The following CSNK1G3 variants were observed in gnomAD, a reference collection of about 807,000 sequenced individuals.
CSNK1G3 encodes casein kinase 1 gamma 3.
CSNK1G3 carries 23 observed loss-of-function variants against 64.3 expected under a neutral mutation model. The ratio of observed to expected loss-of-function variants is 0.36; its 90% CI spans 0.26 to 0.51. The LOEUF (loss-of-function observed/expected upper bound fraction) is 0.51. Among genes scored for constraint, CSNK1G3 ranks in the 20% least tolerant of loss-of-function variants. The pLI, the probability that CSNK1G3 is intolerant of heterozygous loss-of-function variation, is 0.96. For synonymous variants in CSNK1G3, 158 were observed against 162.2 expected (o/e 0.97, Z 0.20); for missense variants, 357 against 510.5 (o/e 0.70, Z 2.90).
intron 4 of CSNK1G3, among the ~76,000 whole-genome samples, chr5:123,567,829 C>T (rs1787230511): frequency 6.6e-6 from 1 of 152,144 alleles, no homozygotes; most frequent in Non-Finnish European, 1.5e-5. Flanking sequence ...GTCTCAAGCA[C>T]ATCTTTATTA....
chr5:123,577,178 A>G (rs763684286), intron 6 of CSNK1G3, among the ~76,000 whole-genome samples: 11 of 152,172 alleles, frequency 7.2e-5, no homozygotes, highest in African/African-American at 1.4e-4. Context: ...CTTATAAACA[A>G]ACTCATCTTG....
At chr5:123,588,640 G>A (rs889795050) in intron 8 of CSNK1G3, 129 bp downstream of exon 8, 4 of 672,418 alleles carry the variant, frequency 5.9e-6, no homozygotes, top group Non-Finnish European at 7.6e-6. Context: ...TTTAAAGGTT[G>A]TCAGCATTTG....
chr5:123,572,700 T>C (rs1375022083), intron 4 of CSNK1G3, among the ~76,000 whole-genome samples: 2 of 152,226 alleles, frequency 1.3e-5, no homozygotes, highest in Admixed American at 1.3e-4. Context: ...CTCCCTCCAC[T>C]GCATGGTGGT....
rs975187207 is a variant in CSNK1G3 at position 123,563,006 on chromosome 5, C to T, written c.289+5442C>T. Among the ~76,000 whole-genome samples the T allele has an allele frequency of 2.0e-5, 3 of 152,006 alleles. No individual in the cohort carries two copies. In the South Asian group the frequency reaches 6.2e-4, roughly 32 times the overall value. ...ATTGTTTTTGGAGGTCTGTGATTCT[C>T]AGTAACACTTCTTAATTTTTTTTGA... On this transcript the variant is annotated intron_variant, in intron 4 of 12. Coordinates refer to ENST00000345990, the Ensembl canonical transcript of CSNK1G3.
intron 1 of CSNK1G3, among the ~76,000 whole-genome samples, chr5:123,537,262 AAG>A (rs1341316862): frequency 2.0e-5 from 3 of 152,220 alleles, no homozygotes; most frequent in Non-Finnish European, 4.4e-5. Context: ...AGCCATAAGA[AAG>A]AGTGAATCAT....
At chr5:123,594,518 A>G (rs1204103048) in intron 10 of CSNK1G3, among the ~76,000 whole-genome samples, 1 of 152,166 alleles carries the variant, frequency 6.6e-6, no homozygotes, top group Non-Finnish European at 1.5e-5. Context: ...CTGTTTTCTC[A>G]TATTATCCTT....
chr5:123,532,142 A>G (rs1269718158), intron 1 of CSNK1G3, among the ~76,000 whole-genome samples: 2 of 151,896 alleles, frequency 1.3e-5, no homozygotes, highest in African/African-American at 4.8e-5. Context: ...TATAATTTTA[A>G]TGTACACTCT....
At chr5:123,609,065 A>G (rs926999793) in intron 12 of CSNK1G3, among the ~76,000 whole-genome samples, 2 of 152,182 alleles carry the variant, frequency 1.3e-5, no homozygotes, top group Admixed American at 1.3e-4. Flanking sequence ...ACGCAAGGAA[A>G]GAATTGAACC....
intron 1 of CSNK1G3, among the ~76,000 whole-genome samples, chr5:123,513,850 C>G (rs1316068807): frequency 6.6e-6 from 1 of 151,766 alleles, no homozygotes; most frequent in East Asian, 1.9e-4. Context: ...ATATTTTTCA[C>G]CAAAAAAATC....
intron 1 of CSNK1G3, among the ~76,000 whole-genome samples, chr5:123,527,871 G>A (rs564002036): frequency 6.6e-6 from 1 of 152,154 alleles, no homozygotes; most frequent in African/African-American, 2.4e-5. Flanking sequence ...TTACAAAGTA[G>A]TACTGTTTTC....
intron 6 of CSNK1G3, among the ~76,000 whole-genome samples, chr5:123,577,350 T>A (rs1322644646): frequency 6.6e-6 from 1 of 152,078 alleles, no homozygotes; most frequent in Non-Finnish European, 1.5e-5. Flanking sequence ...AACTAGGAAA[T>A]GTTTGTGCAT....
intron 10 of CSNK1G3, among the ~76,000 whole-genome samples, chr5:123,598,913 G>C (rs1793934522): frequency 6.6e-6 from 1 of 152,134 alleles, no homozygotes; most frequent in African/African-American, 2.4e-5. Context: ...AACAAGAAAT[G>C]AAAGGCTTTG....
chr5:123,563,320 C>G (rs1786156821), intron 4 of CSNK1G3, among the ~76,000 whole-genome samples: 1 of 151,922 alleles, frequency 6.6e-6, no homozygotes, highest in Non-Finnish European at 1.5e-5. Flanking sequence ...TAGTTCTAAG[C>G]AATAATTTGA....
At chr5:123,602,428 G>A (rs1231791476) in intron 10 of CSNK1G3, among the ~76,000 whole-genome samples, 1 of 152,162 alleles carries the variant, frequency 6.6e-6, no homozygotes, top group Non-Finnish European at 1.5e-5. Flanking sequence ...CTAGAACAGT[G>A]CCTAAGCATG....
At chr5:123,555,609 G>A (rs527990263) in intron 3 of CSNK1G3, among the ~76,000 whole-genome samples, 22 of 152,230 alleles carry the variant, frequency 1.4e-4, no homozygotes, top group Admixed American at 5.2e-4. Flanking sequence ...CAGATCAACA[G>A]TTTGTTTCAG....
chr5:123,590,764 G>A (rs1367013525), intron 9 of CSNK1G3, among the ~76,000 whole-genome samples: 2 of 151,920 alleles, frequency 1.3e-5, no homozygotes, highest in African/African-American at 2.4e-5. Flanking sequence ...TTGCCTTTTA[G>A]CATGAAGAGT....
chr5:123,545,043 A>T (rs1331083786), intron 1 of CSNK1G3, among the ~76,000 whole-genome samples: 1 of 152,122 alleles, frequency 6.6e-6, no homozygotes, highest in African/African-American at 2.4e-5. Context: ...TTTATAATTC[A>T]TTCTCTTTCT....
chr5:123,591,275 T>C (rs777149370), intron 9 of CSNK1G3, 44 bp from the exon 10 acceptor site: 3 of 1,211,806 alleles, frequency 2.5e-6, no homozygotes, highest in Non-Finnish European at 1.1e-6. Flanking sequence ...TAAATAAGAA[T>C]TTTAAAATGG....
chr5:123,516,292 A>T (rs1194290961), intron 1 of CSNK1G3, among the ~76,000 whole-genome samples: 1 of 152,150 alleles, frequency 6.6e-6, no homozygotes, highest in Non-Finnish European at 1.5e-5. Flanking sequence ...TTGGATTCTT[A>T]ATGTGTAGAA....
Sources: allele counts gnomAD v4.1 joint callset (sites outside exome capture counted in the v4.1 genomes callset), GRCh38; gene constraint gnomAD v4.1.1; transcripts MANE v1.5; gene names NCBI Gene and HGNC (gene_info 2026-07-23, HGNC 2026-07-21).